ADGRL3: variants seen among roughly 807,000 people sequenced by gnomAD.
The protein encoded by ADGRL3 is calcium-independent alpha-latrotoxin receptor 3.
In ADGRL3, 62 loss-of-function variants were observed where a neutral mutation model predicts 153.5. The ratio of observed to expected loss-of-function variants is 0.40; its 90% confidence interval spans 0.33 to 0.50. The LOEUF is 0.50. ADGRL3 is among the 20% of genes least tolerant of loss of function. The pLI is 0.47. For missense variants in ADGRL3, 1,641 were observed against 1,859.4 expected (o/e 0.88, Z 2.16); for synonymous variants, 710 against 672.5 (o/e 1.06, Z -0.86).
intron 6 of ADGRL3, among the ~76,000 whole-genome samples, chr4:61,710,659 C>T (rs1208632531): frequency 6.6e-6 from 1 of 152,120 alleles, no homozygotes; most frequent in Non-Finnish European, 1.5e-5. Context: ...TATTTAAACA[C>T]ATGTATTCAA....
intron 1 of ADGRL3, among the ~76,000 whole-genome samples, chr4:61,361,483 C>G (rs1354057090): frequency 6.6e-6 from 1 of 152,046 alleles, no homozygotes; most frequent in East Asian, 1.9e-4. Context: ...AGGGTATGGC[C>G]TTTGGGGTTA....
chr4:61,640,806 T>A (rs2093631502), intron 5 of ADGRL3, among the ~76,000 whole-genome samples: 1 of 152,208 alleles, frequency 6.6e-6, no homozygotes, highest in South Asian at 2.1e-4. Flanking sequence ...GGATGGGCTC[T>A]TTTGTTTTGT....
chr4:61,498,581 A>G (rs1035738813), intron 3 of ADGRL3, among the ~76,000 whole-genome samples: 1 of 152,070 alleles, frequency 6.6e-6, no homozygotes, highest in African/African-American at 2.4e-5. Context: ...ACAATAACAA[A>G]ATAATATTAA....
intron 13 of ADGRL3, among the ~76,000 whole-genome samples, chr4:61,926,414 G>A (rs1404623627): frequency 6.6e-6 from 1 of 152,038 alleles, no homozygotes; most frequent in Non-Finnish European, 1.5e-5. Context: ...CAAATTCTAT[G>A]CGTTGCACCT....
intron 6 of ADGRL3, among the ~76,000 whole-genome samples, chr4:61,690,249 A>G (rs912018313): frequency 1.3e-5 from 2 of 152,114 alleles, no homozygotes; most frequent in African/African-American, 2.4e-5. Context: ...GTTCAAGACC[A>G]TCCTTGGTAA....
chr4:61,314,544 A>T (rs2095137378), intron 1 of ADGRL3, among the ~76,000 whole-genome samples: 1 of 152,120 alleles, frequency 6.6e-6, no homozygotes, highest in Non-Finnish European at 1.5e-5. Flanking sequence ...CCATGCAGTG[A>T]TCTTATGGAT....
intron 8 of ADGRL3, among the ~76,000 whole-genome samples, chr4:61,742,351 T>C (rs900212096): frequency 3.3e-5 from 5 of 152,120 alleles, no homozygotes; most frequent in African/African-American, 7.2e-5. Flanking sequence ...CGATCTCGGC[T>C]CACTGCAAGC....
intron 6 of ADGRL3, among the ~76,000 whole-genome samples, chr4:61,677,967 T>G (rs1004301164): frequency 3.3e-5 from 5 of 152,054 alleles, no homozygotes; most frequent in African/African-American, 1.2e-4. Context: ...TTCGTTCAGC[T>G]TCATTTATAG....
At chr4:61,525,913 G>T (rs2098556014) in intron 4 of ADGRL3, among the ~76,000 whole-genome samples, 1 of 152,076 alleles carries the variant, frequency 6.6e-6, no homozygotes. Flanking sequence ...GTGAATCTTT[G>T]TCAAGAGAAA....
At chr4:62,019,623 A>G (rs867214727) in intron 21 of ADGRL3, among the ~76,000 whole-genome samples, 4 of 152,230 alleles carry the variant, frequency 2.6e-5, no homozygotes, top group Middle Eastern at 3.4e-3. Flanking sequence ...GAATAATTAT[A>G]TCTCATTGGG....
intron 23 of ADGRL3, 127 bp downstream of exon 23, chr4:62,031,737 A>T (rs112683409): frequency 3.1e-6 from 2 of 651,800 alleles, no homozygotes; most frequent in Non-Finnish European, 2.5e-6. Flanking sequence ...CTCATCATTT[A>T]TAACAGTAAA....
intron 3 of ADGRL3, among the ~76,000 whole-genome samples, chr4:61,513,215 C>G (rs562158285): frequency 1.0e-3 from 153 of 151,990 alleles, no homozygotes; most frequent in Non-Finnish European, 1.8e-3. Context: ...GTAAGAAGAA[C>G]AAGAAAATAG....
intron 9 of ADGRL3, among the ~76,000 whole-genome samples, chr4:61,815,556 A>G (rs529375138): frequency 7.1e-4 from 108 of 152,332 alleles, no homozygotes; most frequent in Non-Finnish European, 1.5e-3. Context: ...GAATAGATAC[A>G]GGGAAAGGGG....
At chr4:61,866,841 A>C (rs35610391) in intron 9 of ADGRL3, among the ~76,000 whole-genome samples, 2,832 of 152,014 alleles carry the variant, frequency 0.019, 90 homozygotes, top group African/African-American at 0.063. Flanking sequence ...GTGTCACATC[A>C]ATCAATCCTC....
At chr4:61,741,876 G>A (rs2096584414) in intron 8 of ADGRL3, among the ~76,000 whole-genome samples, 1 of 152,258 alleles carries the variant, frequency 6.6e-6, no homozygotes, top group African/African-American at 2.4e-5. Context: ...TGATGTCCCT[G>A]ATAAATGTAT....
At chr4:61,377,717 C>T (rs2096620723) in intron 1 of ADGRL3, among the ~76,000 whole-genome samples, 1 of 151,532 alleles carries the variant, frequency 6.6e-6, no homozygotes, top group Admixed American at 6.6e-5. Context: ...TCCTTCATTC[C>T]CTCTTTTTTT....
intron 1 of ADGRL3, among the ~76,000 whole-genome samples, chr4:61,256,224 C>A (rs1411701086): frequency 6.6e-6 from 1 of 152,168 alleles, no homozygotes; most frequent in East Asian, 1.9e-4. Flanking sequence ...AATTCTGAGA[C>A]AACATAACAA....
intron 8 of ADGRL3, among the ~76,000 whole-genome samples, chr4:61,765,897 G>A (rs945806352): frequency 1.3e-5 from 2 of 152,132 alleles, no homozygotes; most frequent in South Asian, 4.1e-4. Flanking sequence ...CAGAATAGCA[G>A]ATGGAACACT....
At chr4:61,305,532 T>G (rs1560452397) in intron 1 of ADGRL3, among the ~76,000 whole-genome samples, 1 of 152,154 alleles carries the variant, frequency 6.6e-6, no homozygotes, top group Non-Finnish European at 1.5e-5. Flanking sequence ...ATGGACTGGC[T>G]TTTACTCAGC....
Sources: allele counts gnomAD v4.1 joint callset (sites outside exome capture counted in the v4.1 genomes callset), GRCh38; gene constraint gnomAD v4.1.1; transcripts MANE v1.5; gene names NCBI Gene and HGNC (gene_info 2026-07-23, HGNC 2026-07-21).